DAPK1: variants seen among roughly 807,000 people sequenced by gnomAD.
DAPK1 encodes the protein death-associated protein kinase 1.
A neutral mutation model predicts 144.9 loss-of-function variants in DAPK1; 56 were observed. The observed-to-expected ratio is 0.39, with a 90% CI of 0.31 to 0.48. The LOEUF (loss-of-function observed/expected upper bound fraction) is 0.48, where lower values mean the gene tolerates loss of function less well. Among genes scored for constraint, DAPK1 ranks in the 20% least tolerant of loss-of-function variants. The pLI is 0.95. For synonymous variants in DAPK1, 690 were observed against 749.0 expected (o/e 0.92, Z 1.29); for missense variants, 1,454 against 1,875.4 (o/e 0.78, Z 4.15).
At chr9:87,527,809 T>G (rs1825568167) in intron 2 of DAPK1, among the ~76,000 whole-genome samples, 1 of 152,198 alleles carries the variant, frequency 6.6e-6, no homozygotes. Flanking sequence ...CAAGTGACAT[T>G]TAAAATACTT....
chr9:87,656,479 A>G (rs1274567380), intron 17 of DAPK1, among the ~76,000 whole-genome samples: 1 of 152,238 alleles, frequency 6.6e-6, no homozygotes, highest in Admixed American at 6.5e-5. Context: ...TGCATCTTCT[A>G]AACATTTCAC....
chr9:87,657,889 G>C lies in DAPK1; in HGVS notation c.1825-140G>C. 4.4e-6 allele frequency: 3 copies of C among 681,676 alleles called. No homozygotes were observed. The South Asian group carries it at 4.8e-5, about 11-fold the overall frequency. The allele number at this position is 681,676 out of a possible 1,614,324, so 42.2% of individuals were successfully genotyped here. A position where few individuals can be genotyped will look rare whatever the true frequency, so the allele number is the denominator to read the frequency against. On this transcript the variant is annotated intron_variant, in intron 17 of 25. Transcript: ENST00000408954. ...CCTGGCTGGCCTGCCCCAGTGGAGA[G>C]CAAGTTTCAGGAGAAGGGAGATGGC...
At chr9:87,704,677 T>G (rs1825572819) in intron 25 of DAPK1, among the ~76,000 whole-genome samples, 4 of 152,206 alleles carry the variant, frequency 2.6e-5, no homozygotes, top group Non-Finnish European at 5.9e-5. Context: ...AAACTGCAAA[T>G]GGTATTCCAG....
intron 3 of DAPK1, among the ~76,000 whole-genome samples, chr9:87,628,158 A>G (rs1003897352): frequency 3.3e-5 from 5 of 152,088 alleles, no homozygotes; most frequent in African/African-American, 1.2e-4. Flanking sequence ...CCCCTCCCCC[A>G]TGAGCTTTGA....
At chr9:87,633,658 T>C (rs1162999754) in intron 3 of DAPK1, among the ~76,000 whole-genome samples, 1 of 152,158 alleles carries the variant, frequency 6.6e-6, no homozygotes, top group African/African-American at 2.4e-5. Flanking sequence ...TTGTCCTTAC[T>C]CCTGTGGAGT....
At chr9:87,676,478 G>C (rs1018587229) in intron 19 of DAPK1, among the ~76,000 whole-genome samples, 6 of 152,270 alleles carry the variant, frequency 3.9e-5, no homozygotes, top group Non-Finnish European at 7.3e-5. Context: ...GATGTGCTTA[G>C]ATTCCCCAAG....
chr9:87,556,336 C>T (rs1285825778), intron 2 of DAPK1, among the ~76,000 whole-genome samples: 1 of 152,178 alleles, frequency 6.6e-6, no homozygotes, highest in African/African-American at 2.4e-5. Context: ...GGTACTTTGC[C>T]CAAGCTTCCT....
chr9:87,533,905 C>T (rs1353173298), intron 2 of DAPK1, among the ~76,000 whole-genome samples: 7 of 152,294 alleles, frequency 4.6e-5, no homozygotes, highest in African/African-American at 1.4e-4. Flanking sequence ...TCAGGTGATC[C>T]GCCCACCATG....
Position 87,706,670 on chromosome 9 carries a change from G to A in DAPK1, c.3599G>A (p.Gly1200Asp). 1 of 1,610,168 alleles carries A rather than the reference G, an allele frequency of 6.2e-7. No homozygotes were observed. ...CAGGGCATTGAGGTCCAGGTCCGCGGCCTGGAGACGGAGAAGATCAAGTGC... is the reference window on the plus strand; with the variant it reads ...CAGGGCATTGAGGTCCAGGTCCGCGACCTGGAGACGGAGAAGATCAAGTGC... ...HGQGIEVQVR[G>D]LETEKIKCCL... The change falls in exon 26 of 26, where the codon GGC becomes GAC. Residue 1200 changes from glycine (G) to aspartate (D), a missense_variant. This residue lies in a region of DAPK1 where 1,025 missense variants were observed against 1,237.9 expected (regional missense o/e 0.83). Transcript: ENST00000408954. The surrounding 1 kb of genome is among the most constrained non-coding windows in gnomAD (Gnocchi z 9.0).
chr9:87,552,643 G>A (rs932865667), intron 2 of DAPK1, among the ~76,000 whole-genome samples: 9 of 151,834 alleles, frequency 5.9e-5, no homozygotes, highest in Admixed American at 2.0e-4. Context: ...CCAGGCTGGT[G>A]TGCAGTGGTA....
rs992604795 is a variant in DAPK1 at position 87,648,525 on chromosome 9, A to C, written c.1330-256A>C. 4 of 434,086 alleles carry C rather than the reference A, an allele frequency of 9.2e-6. No individual in the cohort carries two copies. The East Asian group carries it at 1.4e-4, about 15-fold the overall frequency. The allele number at this position is 434,086 out of a possible 1,614,324, so 26.9% of individuals were successfully genotyped here. ...AAGACTGAGAACAGCTATCATGGAA[A>C]AGGGAGAGCCTTCTCCTGAGTTGTT... On this transcript the variant is annotated intron_variant, in intron 14 of 25. Transcript: ENST00000408954.
intron 3 of DAPK1, among the ~76,000 whole-genome samples, chr9:87,622,671 G>A (rs1829341842): frequency 6.6e-6 from 1 of 152,108 alleles, no homozygotes; most frequent in Non-Finnish European, 1.5e-5. Flanking sequence ...AGCACTTTGG[G>A]AGGCCGAGGC....
chr9:87,609,124 G>A (rs1021025899), intron 3 of DAPK1, among the ~76,000 whole-genome samples: 4 of 152,130 alleles, frequency 2.6e-5, no homozygotes, highest in African/African-American at 9.7e-5. Context: ...CCTGCCTAAC[G>A]TGGCTTTGAA....
intron 17 of DAPK1, among the ~76,000 whole-genome samples, chr9:87,656,835 T>A (rs917539931): frequency 2.0e-5 from 3 of 152,312 alleles, no homozygotes; most frequent in African/African-American, 7.2e-5. Flanking sequence ...TTTAAATTAT[T>A]TCTCTCCTGT....
At chr9:87,614,756 C>T (rs376729887) in intron 3 of DAPK1, among the ~76,000 whole-genome samples, 68 of 152,304 alleles carry the variant, frequency 4.5e-4, no homozygotes, top group African/African-American at 1.5e-3. Flanking sequence ...GTGGGCTCCC[C>T]GGCACTGTGG....
intron 17 of DAPK1, chr9:87,657,307 C>T (rs755134282): frequency 1.3e-5 from 2 of 152,590 alleles, no homozygotes; most frequent in East Asian, 1.9e-4. Context: ...TGAGTGCTCC[C>T]GTTGGGCACT....
intron 2 of DAPK1, among the ~76,000 whole-genome samples, chr9:87,597,347 A>G (rs1175324935): frequency 6.6e-6 from 1 of 152,188 alleles, no homozygotes; most frequent in African/African-American, 2.4e-5. Context: ...TTTGAGGACC[A>G]AAGGAGGCAA....
At chr9:87,618,638 G>A (rs989747481) in intron 3 of DAPK1, among the ~76,000 whole-genome samples, 2 of 152,186 alleles carry the variant, frequency 1.3e-5, no homozygotes, top group African/African-American at 2.4e-5. Context: ...CATGCTAAGT[G>A]AAAGAGGCCA....
chr9:87,650,385 C>G (rs1354679092), intron 16 of DAPK1: 1 of 423,160 alleles, frequency 2.4e-6, no homozygotes, highest in Non-Finnish European at 4.3e-6. Flanking sequence ...AGCTTTAGAG[C>G]AGGTACAGTG....
Sources: allele counts gnomAD v4.1 joint callset (sites outside exome capture counted in the v4.1 genomes callset), GRCh38; gene constraint gnomAD v4.1.1; regional missense constraint gnomAD v4.1.1; non-coding constraint Gnocchi (gnomAD v3.1); transcripts MANE v1.5; gene names NCBI Gene and HGNC (gene_info 2026-07-23, HGNC 2026-07-21).